FBN1: variants seen among roughly 807,000 people sequenced by gnomAD.
FBN1 encodes the protein fibrillin 1.
FBN1 carries 29 observed loss-of-function variants against 365.1 expected under a neutral mutation model. The ratio of observed to expected loss-of-function variants is 0.08; its 90% CI spans 0.06 to 0.11. FBN1 has a LOEUF of 0.11. Among genes scored for constraint, FBN1 ranks in the 10% least tolerant of loss-of-function variants. The pLI, the probability that FBN1 is intolerant of heterozygous loss-of-function variation, is 1.00. For synonymous variants in FBN1, 1,210 were observed against 1,270.5 expected (o/e 0.95, Z 1.01); for missense variants, 2,476 against 3,703.2 (o/e 0.67, Z 8.60).
chr15:48,455,682 C>T (rs2043233222), intron 44 of FBN1, among the ~76,000 whole-genome samples: 1 of 152,150 alleles, frequency 6.6e-6, no homozygotes, highest in Admixed American at 6.5e-5. Context: ...GGGCTATTAC[C>T]CCATTCCCAC....
intron 2 of FBN1, among the ~76,000 whole-genome samples, chr15:48,633,645 A>T (rs1286775026): frequency 6.6e-6 from 1 of 152,212 alleles, no homozygotes; most frequent in Non-Finnish European, 1.5e-5. Context: ...AAACTCTGCT[A>T]CAGTATCACC....
chr15:48,531,856 T>C (rs866089834), intron 8 of FBN1, among the ~76,000 whole-genome samples: 4 of 152,228 alleles, frequency 2.6e-5, no homozygotes, highest in Middle Eastern at 6.8e-3. Context: ...CTAGTATCAA[T>C]TTTGCATTGA....
At chr15:48,573,912 G>A (rs1274379143) in intron 6 of FBN1, among the ~76,000 whole-genome samples, 2 of 152,226 alleles carry the variant, frequency 1.3e-5, no homozygotes, top group Non-Finnish European at 2.9e-5. Context: ...TACTGACTGT[G>A]GATGAATGAG....
In FBN1 at chr15:48,437,778, C is replaced by T. The variant is rs2043084739; in HGVS notation, c.6303G>A (p.Thr2101=). 3.1e-6 allele frequency: 5 copies of T among 1,613,714 alleles called. No homozygotes were observed. Among genetic ancestry groups the T allele is most frequent in the East Asian group, 4.5e-5 (2 of 44,848 alleles). Residue 2101 remains threonine (T), a synonymous_variant, in exon 51 of 66, where the codon ACG becomes ACA. Coordinates refer to ENST00000316623, the MANE Select transcript of FBN1 (RefSeq NM_000138.5). The part of the protein sequence containing the change: ...GWGDPCELCP[T]EPDEAFRQIC... ...AGATGACAGACATACCATCAGGTTC[C>T]GTGGGGCAGAGCTCGCAGGGGTCTC...
intron 43 of FBN1, among the ~76,000 whole-genome samples, chr15:48,457,992 C>A (rs925600631): frequency 1.3e-5 from 2 of 152,184 alleles, no homozygotes; most frequent in Non-Finnish European, 2.9e-5. Flanking sequence ...CTTCACAGAA[C>A]TGTCATCAAC....
chr15:48,541,872 AT>A (rs1020058088), intron 6 of FBN1, among the ~76,000 whole-genome samples: 1 of 152,138 alleles, frequency 6.6e-6, no homozygotes, highest in African/African-American at 2.4e-5. Context: ...AATGCTTTCT[AT>A]TTGCAAATTG....
chr15:48,574,124 G>C (rs963221543), intron 6 of FBN1, among the ~76,000 whole-genome samples: 2 of 152,164 alleles, frequency 1.3e-5, no homozygotes, highest in Admixed American at 6.6e-5. Flanking sequence ...TCCTTGCAAT[G>C]GTCAGTGGTA....
chr15:48,484,713 T>C (rs2043491921), intron 30 of FBN1, among the ~76,000 whole-genome samples: 2 of 152,194 alleles, frequency 1.3e-5, no homozygotes, highest in Admixed American at 1.3e-4. Context: ...ATCTAGATTT[T>C]TTAAGGGACA....
intron 50 of FBN1, among the ~76,000 whole-genome samples, chr15:48,441,243 C>G (rs1163170416): frequency 6.6e-6 from 1 of 152,098 alleles, no homozygotes; most frequent in Non-Finnish European, 1.5e-5. Context: ...GAATCCTGAT[C>G]AGTTTAAATT....
At chr15:48,613,488 C>T (rs1427081077) in intron 2 of FBN1, among the ~76,000 whole-genome samples, 2 of 151,856 alleles carry the variant, frequency 1.3e-5, no homozygotes, top group Non-Finnish European at 2.9e-5. Context: ...CACTTTGAAG[C>T]CATATATATA....
At chr15:48,610,374 C>A (rs1050304632) in intron 4 of FBN1, among the ~76,000 whole-genome samples, 1 of 152,100 alleles carries the variant, frequency 6.6e-6, no homozygotes, top group African/African-American at 2.4e-5. Flanking sequence ...GGAAGCATGC[C>A]TAGATTTCTT....
chr15:48,421,574 G>A lies in FBN1; in HGVS notation c.7683C>T (p.Thr2561=), dbSNP rs758353830. 46 of 1,612,878 alleles carry A rather than the reference G, an allele frequency of 2.9e-5. No individual in the cohort carries two copies. The highest frequency in any genetic ancestry group is 3.5e-5 in the Non-Finnish European group (41 of 1,179,788). The change falls in exon 62 of 66, where the codon ACC becomes ACT. Residue 2561 remains threonine, a synonymous_variant. Transcript: ENST00000316623. ...TCCACCCACCTTCACAGCTGGAGCC[G>A]GTCTGATCAAGTGAGAATCCCCGCT... ...ECQRGFSLDQ[T]GSSCEDVDEC...
chr15:48,444,758 C>T lies in FBN1; in HGVS notation c.5918-98G>A, dbSNP rs2043140962. On this transcript the variant is annotated intron_variant, in intron 48 of 65. Transcript: ENST00000316623. ...AAAACTAGAATGAATCAAAGAAATA[C>T]ATAAAGCAAATTAAAGTTCATAAAA... is the stretch of plus-strand genomic sequence containing the variant. 3.8e-6 allele frequency: 5 copies of T among 1,323,708 alleles called. No homozygotes were observed. In the Admixed American group the frequency reaches 7.0e-5, roughly 19 times the overall value. The allele number at this position is 1,323,708 out of a possible 1,614,324, so 82.0% of individuals were successfully genotyped here. A position where few individuals can be genotyped will look rare whatever the true frequency, so the allele number is the denominator to read the frequency against.
In FBN1 at chr15:48,441,842, A is replaced by G; in HGVS notation, c.6042T>C (p.Ile2014=). ...YSLQNEKCED[I]DECVEEPEIC... ...TTTCTGGCTCTTCGACACACTCATC[A>G]ATATCTAAAAGAATCACATGAGTCA... Residue 2014 remains isoleucine (I), a synonymous_variant, in exon 50 of 66, where the codon ATT becomes ATC. Coordinates refer to ENST00000316623, the MANE Select transcript of FBN1 (RefSeq NM_000138.5). 3.7e-6 allele frequency: 6 copies of G among 1,613,334 alleles called. No individual in the cohort carries two copies. Among genetic ancestry groups the G allele is most frequent in the Non-Finnish European group, 5.1e-6 (6 of 1,179,554 alleles).
At chr15:48,516,148 C>A (rs376309856) in intron 11 of FBN1, 35 bp downstream of exon 11, 132 of 1,575,472 alleles carry the variant, frequency 8.4e-5, no homozygotes, top group Non-Finnish European at 1.0e-4. Context: ...TTGAACAATG[C>A]AAGAAAAATA....
At chr15:48,533,938 G>A (rs1223881772) in intron 8 of FBN1, 142 bp downstream of exon 8, 80 of 1,261,128 alleles carry the variant, frequency 6.3e-5, no homozygotes, top group Non-Finnish European at 9.1e-5. Context: ...TATTATTACT[G>A]TTAAAAATAT....
In FBN1 at chr15:48,607,367, C is replaced by CATAT. The variant is rs10587361; in HGVS notation, c.346+3357_346+3360dup. Among the ~76,000 whole-genome samples the CATAT allele has an allele frequency of 1.7e-3, 248 of 146,262 alleles. 2 individuals carry two copies. The highest frequency in any genetic ancestry group is 0.013 in the East Asian group (68 of 5,094). ...AATTATATATATACACATACATATA[C>CATAT]ATATATATATATATATATATTATTG... is the stretch of plus-strand genomic sequence containing the variant. On this transcript the variant is annotated intron_variant, in intron 4 of 65. Coordinates refer to ENST00000316623, the MANE Select transcript of FBN1 (RefSeq NM_000138.5).
intron 6 of FBN1, among the ~76,000 whole-genome samples, chr15:48,569,640 A>G (rs2044290429): frequency 6.6e-6 from 1 of 152,198 alleles, no homozygotes; most frequent in South Asian, 2.1e-4. Context: ...CTCCACAATA[A>G]AAAGGAATAA....
At chr15:48,510,715 A>T (rs550143165) in intron 13 of FBN1, among the ~76,000 whole-genome samples, 8 of 152,200 alleles carry the variant, frequency 5.3e-5, no homozygotes, top group Non-Finnish European at 1.2e-4. Context: ...AAACAACTTT[A>T]TGAGTATTCT....
Sources: gnomAD v4.1 joint callset for allele counts (sites outside exome capture counted in the v4.1 genomes callset) on GRCh38, gnomAD v4.1.1 for gene constraint, MANE v1.5 for transcripts, NCBI Gene and HGNC (gene_info 2026-07-23, HGNC 2026-07-21) for gene names.